The following PTPRS variants were observed in gnomAD, a reference collection of about 807,000 sequenced individuals.
PTPRS encodes protein tyrosine phosphatase receptor type S, also known as receptor-type tyrosine-protein phosphatase S.
Under a neutral mutation model 215.3 loss-of-function variants are expected in PTPRS, and 63 were observed. The ratio of observed to expected loss-of-function variants is 0.29; its 90% CI spans 0.24 to 0.36. The LOEUF (loss-of-function observed/expected upper bound fraction) is 0.36, where lower values mean the gene tolerates loss of function less well. PTPRS is among the 10% of genes least tolerant of loss of function. The pLI is 1.00. For synonymous variants in PTPRS, 1,404 were observed against 1,191.4 expected (o/e 1.18, Z -3.68); for missense variants, 2,258 against 2,825.8 (o/e 0.80, Z 4.56).
intron 1 of PTPRS, among the ~76,000 whole-genome samples, chr19:5,327,867 T>C (rs974340259): frequency 5.9e-5 from 9 of 152,084 alleles, no homozygotes; most frequent in Non-Finnish European, 1.2e-4. Flanking sequence ...TCCCAAAGTA[T>C]TGGGATTACA....
chr19:5,267,980 G>T (rs1282423278), intron 4 of PTPRS, among the ~76,000 whole-genome samples: 2 of 151,822 alleles, frequency 1.3e-5, no homozygotes, highest in African/African-American at 4.8e-5. Flanking sequence ...CCATCCTGGT[G>T]AACATGGTGA....
chr19:5,237,572 A>G lies in PTPRS; in HGVS notation c.1849+1347T>C, dbSNP rs962588824. On this transcript the variant is annotated intron_variant, in intron 13 of 37. Coordinates refer to ENST00000262963, the MANE Select transcript of PTPRS (RefSeq NM_002850.4). The surrounding 1 kb of genome is among the most constrained non-coding windows in gnomAD (Gnocchi z 4.2). ...GCATGGTGGTGGCACGTGGTTTGGG[A>G]GAGTTTCTGGGGCCGAATTCGGGCC... 1.3e-5 allele frequency among the ~76,000 whole-genome samples: 2 copies of G among 151,640 alleles called. No individual in the cohort carries two copies. Among genetic ancestry groups the G allele is most frequent in the South Asian group, 2.1e-4 (1 of 4,806 alleles).
chr19:5,292,215 G>C (rs1205898825), intron 1 of PTPRS, among the ~76,000 whole-genome samples: 3 of 152,092 alleles, frequency 2.0e-5, no homozygotes, highest in Non-Finnish European at 4.4e-5. Context: ...TGCATAACCA[G>C]CTCCACCTGG....
intron 9 of PTPRS, among the ~76,000 whole-genome samples, chr19:5,246,501 G>A (rs2044492950): frequency 6.6e-6 from 1 of 152,222 alleles, no homozygotes; most frequent in African/African-American, 2.4e-5. Flanking sequence ...GGGAGCAGGT[G>A]GCCTCCGATC....
intron 2 of PTPRS, among the ~76,000 whole-genome samples, chr19:5,285,327 T>G (rs553092515): frequency 6.6e-6 from 1 of 152,322 alleles, no homozygotes; most frequent in African/African-American, 2.4e-5. Context: ...CTCCAGGTCC[T>G]TCATGGTGGG....
chr19:5,288,891 C>G (rs776376877), intron 1 of PTPRS, among the ~76,000 whole-genome samples: 42 of 152,250 alleles, frequency 2.8e-4, no homozygotes, highest in Non-Finnish European at 4.3e-4. Context: ...TGGGCCCACA[C>G]CTCCCTGATG....
rs1414682876 is a variant in PTPRS, at chr19:5,207,926, G to A, written c.5774C>T (p.Thr1925Ile). 4 of 1,613,646 alleles carry A rather than the reference G, an allele frequency of 2.5e-6. No individual in the cohort carries two copies. The stretch of plus-strand genomic sequence containing the variant: ...CCCTCCCTGTCCCATCTTTACCTCT[G>A]TCTGCACCATGGCCGGCCGCTGGGT... ...LRTQRPAMVQTEDEYQFCYQA... is the reference protein window; with the variant it reads ...LRTQRPAMVQIEDEYQFCYQA... The change falls in exon 37 of 38, where the codon ACA becomes ATA. Residue 1925 changes from threonine to isoleucine, a missense_variant. Physicochemically the swap from Thr to Ile is moderately conservative, Grantham distance 89. Transcript: ENST00000262963.
chr19:5,239,648 T>A (rs2043844067), intron 12 of PTPRS, among the ~76,000 whole-genome samples: 2 of 130,978 alleles, frequency 1.5e-5, no homozygotes, highest in African/African-American at 3.0e-5. Flanking sequence ...AGAGAGAGAT[T>A]GAGACAGGGA....
chr19:5,231,532 CCGG>C lies in PTPRS; in HGVS notation c.1930_1932del (p.Pro644del), dbSNP rs753678727. The C allele has an allele frequency of 6.2e-7, 1 of 1,611,116 alleles. No homozygotes were observed. Among genetic ancestry groups the C allele is most frequent in the East Asian group, 2.2e-5 (1 of 44,770 alleles). On this transcript the variant is annotated inframe_deletion, in exon 14 of 38. Coordinates refer to ENST00000262963, the MANE Select transcript of PTPRS (RefSeq NM_002850.4). ...CCCACCAGGGCCCCGTTGTGCGTTT[CCGG>C]CGGCGGCGGGCGCCAACTTACCAAA...
chr19:5,234,911 A>C (rs963294144), intron 13 of PTPRS, among the ~76,000 whole-genome samples: 2 of 151,772 alleles, frequency 1.3e-5, no homozygotes, highest in Non-Finnish European at 2.9e-5. Flanking sequence ...TAAGGGCCTT[A>C]CGGAATGTTA....
intron 1 of PTPRS, among the ~76,000 whole-genome samples, chr19:5,301,247 T>C (rs909060090): frequency 7.3e-6 from 1 of 137,364 alleles, no homozygotes; most frequent in African/African-American, 3.1e-5. Flanking sequence ...CCAGGCCCCA[T>C]TGCCAGCCTG....
chr19:5,205,697 A>G lies in PTPRS; in HGVS notation c.*1077T>C, dbSNP rs2040312001. On this transcript the variant is annotated 3_prime_UTR_variant, in exon 38 of 38. Coordinates refer to ENST00000262963, the MANE Select transcript of PTPRS (RefSeq NM_002850.4). ...GCCTGTCCTTCTGGTTTTGCTCCCA[A>G]ACTGCCCCACAGTCCCAGGGGGAAA... Among the ~76,000 whole-genome samples, 1 of 152,108 alleles carries G rather than the reference A, an allele frequency of 6.6e-6. No individual in the cohort carries two copies. Among genetic ancestry groups the G allele is most frequent in the African/African-American group, 2.4e-5 (1 of 41,432 alleles).
Position 5,211,590 on chromosome 19 carries a change from C to T in PTPRS, c.5234G>A (p.Arg1745Lys). The change falls in exon 33 of 38, where the codon AGG (arginine) becomes AAG (lysine). Residue 1745 changes from arginine to lysine, a missense_variant and splice_region_variant. Arg to Lys is a conservative substitution (Grantham distance 26). Around this residue, in one of 6 missense-constraint regions of PTPRS, gnomAD observed 927 missense variants for 1,125.9 expected, o/e 0.82. Transcript: ENST00000262963. The stretch of plus-strand genomic sequence containing the variant: ...GAGGTGGGAAAGGCATGGCACCTAC[C>T]TGTAGCCATCAATGAAGCTGGCGTT... ...YINASFIDGYRQQKAYIATQG... is the reference protein window; with the variant it reads ...YINASFIDGYKQQKAYIATQG... 6.2e-7 allele frequency: 1 copy of T among 1,607,120 alleles called. No individual in the cohort carries two copies. The highest frequency in any genetic ancestry group is 8.5e-7 in the Non-Finnish European group (1 of 1,174,358).
At chr19:5,273,372 A>T in intron 4 of PTPRS, 70 bp downstream of exon 4, 1 of 1,607,178 alleles carries the variant, frequency 6.2e-7, no homozygotes, top group Non-Finnish European at 8.5e-7. Context: ...ACTTTCATGT[A>T]TTCCTTTTGT....
Position 5,237,471 on chromosome 19 carries a change from C to T in PTPRS, c.1849+1448G>A, listed in dbSNP as rs1045647821. On this transcript the variant is annotated intron_variant, in intron 13 of 37. Coordinates refer to ENST00000262963, the MANE Select transcript of PTPRS (RefSeq NM_002850.4). The surrounding 1 kb of genome is among the most constrained non-coding windows in gnomAD (Gnocchi z 4.2). ...GTGACCGTGTAGGTCACGTCCTTCA[C>T]AATCCGGCCCAACCTGCATGACATC... Among the ~76,000 whole-genome samples the T allele has an allele frequency of 6.6e-6, 1 of 152,218 alleles. No homozygotes were observed. The highest frequency in any genetic ancestry group is 2.4e-5 in the African/African-American group (1 of 41,472).
chr19:5,237,436 C>T lies in PTPRS; in HGVS notation c.1849+1483G>A, dbSNP rs999373619. 6.6e-6 allele frequency among the ~76,000 whole-genome samples: 1 copy of T among 152,236 alleles called. No homozygotes were observed. Among genetic ancestry groups the T allele is most frequent in the East Asian group, 1.9e-4 (1 of 5,198 alleles). On this transcript the variant is annotated intron_variant, in intron 13 of 37. Transcript: ENST00000262963. This position sits in a 1 kb window ranked among gnomAD's most constrained non-coding sequence, Gnocchi z 4.2. ...GAGGTTCGCGTGGCTGGGCCGAAGC[C>T]GCTTTCTAGGTGACCGTGTAGGTCA...
At position 5,210,572 on chromosome 19, in the gene PTPRS, G is replaced by A. The variant is rs1253335014; in HGVS notation, c.5384C>T (p.Pro1795Leu). Reference sequence around the variant, plus strand: ...CTGGTAGCGGGCAGAGCGCTCGGCCGGCCAGTACTGGTGACACTTCTCCTG... The same window carrying A: ...CTGGTAGCGGGCAGAGCGCTCGGCCAGCCAGTACTGGTGACACTTCTCCTG... ...MGREKCHQYW[P>L]AERSARYQYF... The change falls in exon 35 of 38, where the codon CCG (proline) becomes CTG (leucine). Residue 1795 changes from proline to leucine, a missense_variant. By Grantham distance (98) the Pro-to-Leu change is moderately conservative (BLOSUM62 -3). Around this residue, in one of 6 missense-constraint regions of PTPRS, gnomAD observed 927 missense variants for 1,125.9 expected, o/e 0.82. Transcript: ENST00000262963. This position sits in a 1 kb window ranked among gnomAD's most constrained non-coding sequence, Gnocchi z 4.5. 4 of 1,614,174 alleles carry A rather than the reference G, an allele frequency of 2.5e-6. No homozygotes were observed. The highest frequency in any genetic ancestry group is 2.2e-5 in the East Asian group (1 of 44,878).
chr19:5,262,639 TG>T (rs1305556579), intron 6 of PTPRS, among the ~76,000 whole-genome samples: 1 of 152,252 alleles, frequency 6.6e-6, no homozygotes, highest in African/African-American at 2.4e-5. Flanking sequence ...CGAAGTTCCA[TG>T]AGCCCGAGGA....
At position 5,294,314 on chromosome 19, in the gene PTPRS, T is replaced by A. The variant is rs892241984; in HGVS notation, c.-94-8080A>T. On this transcript the variant is annotated intron_variant, in intron 1 of 37. Coordinates refer to ENST00000262963, the MANE Select transcript of PTPRS (RefSeq NM_002850.4). This position sits in a 1 kb window ranked among gnomAD's most constrained non-coding sequence, Gnocchi z 5.1. ...GAGCCGAGAAAGAGAGAGAAACGGCTGCCCACGGCCGGGAAGAGCAGGAAT... is the reference window on the plus strand; with the variant it reads ...GAGCCGAGAAAGAGAGAGAAACGGCAGCCCACGGCCGGGAAGAGCAGGAAT... 2.3e-4 allele frequency: 35 copies of A among 152,576 alleles called. No homozygotes were observed. The highest frequency in any genetic ancestry group is 8.4e-4 in the African/African-American group (35 of 41,570). The allele number at this position is 152,576 out of a possible 1,614,324, so 9.5% of individuals were successfully genotyped here.
Sources: gnomAD v4.1 joint callset for allele counts (sites outside exome capture counted in the v4.1 genomes callset) on GRCh38, gnomAD v4.1.1 for gene constraint, gnomAD v4.1.1 regional missense constraint, Gnocchi (gnomAD v3.1) non-coding constraint, MANE v1.5 for transcripts, NCBI Gene and HGNC (gene_info 2026-07-23, HGNC 2026-07-21) for gene names.